Variants in EPHA6 observed in about 807,000 individuals in gnomAD.
EPHA6 encodes EPH receptor A6.
Under a neutral mutation model 112.0 loss-of-function variants are expected in EPHA6, and 50 were observed. The ratio of observed to expected loss-of-function variants is 0.45; its 90% CI spans 0.36 to 0.56. The LOEUF (loss-of-function observed/expected upper bound fraction) is 0.56, where lower values mean the gene tolerates loss of function less well. EPHA6 is among the 20% of genes least tolerant of loss of function. The pLI, the probability that EPHA6 is intolerant of heterozygous loss-of-function variation, is 0.00. For missense variants in EPHA6, 1,280 were observed against 1,417.4 expected, an observed-to-expected ratio of 0.90 and a Z score of 1.56; for synonymous variants, 529 against 490.7, an observed-to-expected ratio of 1.08 and a Z score of -1.03.
At chr3:97,102,250 A>G (rs2047425808) in intron 3 of EPHA6, among the ~76,000 whole-genome samples, 1 of 152,044 alleles carries the variant, frequency 6.6e-6, no homozygotes, top group Non-Finnish European at 1.5e-5. Flanking sequence ...CGTATGAGTG[A>G]AGCAATCTTG....
intron 2 of EPHA6, among the ~76,000 whole-genome samples, chr3:96,969,013 G>A (rs2042225119): frequency 6.6e-6 from 1 of 151,774 alleles, no homozygotes; most frequent in African/African-American, 2.4e-5. Context: ...TACACTCTGG[G>A]TAATTAATAA....
chr3:96,831,416 T>C (rs1255953549), intron 1 of EPHA6, among the ~76,000 whole-genome samples: 1 of 152,066 alleles, frequency 6.6e-6, no homozygotes, highest in Non-Finnish European at 1.5e-5. Flanking sequence ...ACAGCACCTG[T>C]CAAGTCTTAG....
At position 97,736,055 on chromosome 3, in the gene EPHA6, G is replaced by A. The variant is rs560953458; in HGVS notation, c.3065G>A (p.Ser1022Asn). 243 of 1,612,592 alleles carry A rather than the reference G, an allele frequency of 1.5e-4. 3 individuals are homozygous for A. The South Asian group carries it at 2.1e-3, about 14-fold the overall frequency. Reference sequence around the variant, plus strand: ...AGACCAAAATTTACTGACATTGTCAGCTTCCTTGACAAACTGATCCGAAAT... The same window carrying A: ...AGACCAAAATTTACTGACATTGTCAACTTCCTTGACAAACTGATCCGAAAT... Reference protein sequence around the residue: ...NHRPKFTDIVSFLDKLIRNPS... With the variant: ...NHRPKFTDIVNFLDKLIRNPS... The change falls in exon 16 of 18, where the codon AGC becomes AAC. Residue 1022 changes from serine (S) to asparagine (N), a missense_variant. Physicochemically the swap from Ser to Asn is conservative, Grantham distance 46. Coordinates refer to ENST00000389672, the MANE Select transcript of EPHA6 (RefSeq NM_001080448.3).
chr3:97,020,329 A>G (rs2044412570), intron 3 of EPHA6, among the ~76,000 whole-genome samples: 1 of 152,232 alleles, frequency 6.6e-6, no homozygotes, highest in South Asian at 2.1e-4. Flanking sequence ...TAATAAGATG[A>G]ATAATGCATG....
At chr3:97,292,531 C>T (rs763407519) in intron 5 of EPHA6, among the ~76,000 whole-genome samples, 2 of 152,218 alleles carry the variant, frequency 1.3e-5, no homozygotes, top group Admixed American at 1.3e-4. Flanking sequence ...GTCGTCCTGA[C>T]GACGGTTCAG....
At chr3:96,988,133 G>T in intron 3 of EPHA6, 140 bp downstream of exon 3, 3 of 497,960 alleles carry the variant, frequency 6.0e-6, no homozygotes, top group East Asian at 3.3e-5. Flanking sequence ...ATACTGATCA[G>T]ATCAAAGTAG....
At position 97,505,141 on chromosome 3, in the gene EPHA6, C is replaced by T. The variant is rs151066015; in HGVS notation, c.2200+21082C>T. 6.6e-3 allele frequency among the ~76,000 whole-genome samples: 1,002 copies of T among 152,136 alleles called. 12 individuals are homozygous for T. Among genetic ancestry groups the T allele is most frequent in the African/African-American group, 0.022 (922 of 41,514 alleles). On this transcript the variant is annotated intron_variant, in intron 10 of 17. Coordinates refer to ENST00000389672, the MANE Select transcript of EPHA6 (RefSeq NM_001080448.3). ...GGGCGTAGACTTGCTAAATCAGTGA[C>T]TTTAGATAAGTTGTATAATCTCTTT...
At chr3:97,681,902 A>C (rs2031889220) in intron 14 of EPHA6, among the ~76,000 whole-genome samples, 1 of 152,048 alleles carries the variant, frequency 6.6e-6, no homozygotes, top group Non-Finnish European at 1.5e-5. Context: ...GTTCTGTATA[A>C]TCTGAATCTG....
At chr3:96,949,646 T>C (rs892971843) in intron 2 of EPHA6, among the ~76,000 whole-genome samples, 2 of 152,126 alleles carry the variant, frequency 1.3e-5, no homozygotes. Context: ...AGGTAGGCAA[T>C]GTGTGTGGGG....
chr3:97,644,170 A>G lies in EPHA6; in HGVS notation c.2784+6088A>G, dbSNP rs974331384. Among the ~76,000 whole-genome samples, 339 of 152,202 alleles carry G rather than the reference A, an allele frequency of 2.2e-3. 3 individuals carry two copies. Among genetic ancestry groups the G allele is most frequent in the African/African-American group, 7.7e-3 (321 of 41,492 alleles). ...CGCTCAACTACATGGAAACTGAACA[A>G]CCTGCTCCTGAATGACTACTGGATA... On this transcript the variant is annotated intron_variant, in intron 14 of 17. Coordinates refer to ENST00000389672, the MANE Select transcript of EPHA6 (RefSeq NM_001080448.3).
intron 2 of EPHA6, among the ~76,000 whole-genome samples, chr3:96,901,284 A>G (rs1232632976): frequency 6.6e-6 from 1 of 152,152 alleles, no homozygotes; most frequent in Non-Finnish European, 1.5e-5. Flanking sequence ...ATGTTGGACT[A>G]TATGTATAAA....
intron 5 of EPHA6, among the ~76,000 whole-genome samples, chr3:97,300,994 C>T (rs2081069612): frequency 6.6e-6 from 1 of 152,092 alleles, no homozygotes; most frequent in Non-Finnish European, 1.5e-5. Flanking sequence ...CAGCAGGTGA[C>T]CTCCAGCCAT....
intron 2 of EPHA6, among the ~76,000 whole-genome samples, chr3:96,924,699 T>A (rs1339518642): frequency 1.3e-5 from 2 of 152,142 alleles, no homozygotes; most frequent in South Asian, 4.1e-4. Flanking sequence ...AGAGAGGGCA[T>A]CCTTGTCTTG....
chr3:96,903,581 G>C (rs980273719), intron 2 of EPHA6, among the ~76,000 whole-genome samples: 1 of 152,020 alleles, frequency 6.6e-6, no homozygotes, highest in African/African-American at 2.4e-5. Flanking sequence ...TGCTCATTAA[G>C]AAGTTTTTAC....
chr3:97,362,468 TTTA>T (rs1477516267), intron 5 of EPHA6, among the ~76,000 whole-genome samples: 1 of 152,004 alleles, frequency 6.6e-6, no homozygotes, highest in Non-Finnish European at 1.5e-5. Flanking sequence ...TTATTTTACA[TTTA>T]TTATTTATTT....
chr3:97,156,090 A>G (rs967731084), intron 3 of EPHA6, among the ~76,000 whole-genome samples: 2 of 152,184 alleles, frequency 1.3e-5, no homozygotes, highest in South Asian at 4.1e-4. Context: ...ACCTCATACC[A>G]TAATACAAAT....
At chr3:97,039,169 A>G (rs1338398224) in intron 3 of EPHA6, among the ~76,000 whole-genome samples, 1 of 152,084 alleles carries the variant, frequency 6.6e-6, no homozygotes, top group African/African-American at 2.4e-5. Flanking sequence ...GGAGGGCAGG[A>G]AAACAAGAAG....
intron 5 of EPHA6, among the ~76,000 whole-genome samples, chr3:97,404,660 A>G (rs938375776): frequency 2.0e-5 from 3 of 152,164 alleles, no homozygotes; most frequent in African/African-American, 7.2e-5. Context: ...TAATCCTCAC[A>G]TTCATAAACA....
At chr3:97,531,741 G>A (rs546444808) in intron 10 of EPHA6, among the ~76,000 whole-genome samples, 9 of 152,070 alleles carry the variant, frequency 5.9e-5, no homozygotes, top group African/African-American at 2.2e-4. Context: ...TAAATATTTG[G>A]TTATTGTTTA....
Sources: gnomAD v4.1 joint callset for allele counts (sites outside exome capture counted in the v4.1 genomes callset) on GRCh38, gnomAD v4.1.1 for gene constraint, MANE v1.5 for transcripts, NCBI Gene and HGNC (gene_info 2026-07-23, HGNC 2026-07-21) for gene names.